The following CHD2 variants were observed in gnomAD, a reference collection of about 807,000 sequenced individuals.
The protein encoded by CHD2 is ATP-dependent chromatin remodeler CHD2.
A neutral mutation model predicts 243.9 loss-of-function variants in CHD2; 28 were observed. The observed-to-expected ratio is 0.11, with a 90% CI of 0.09 to 0.16. The LOEUF (loss-of-function observed/expected upper bound fraction) is 0.16, where lower values mean the gene tolerates loss of function less well. Among genes scored for constraint, CHD2 ranks in the 10% least tolerant of loss-of-function variants. The pLI is 1.00. For missense variants in CHD2, 1,386 were observed against 2,209.8 expected (o/e 0.63, Z 7.47); for synonymous variants, 775 against 779.0 (o/e 0.99, Z 0.09).
At chr15:92,916,931 T>C (rs542810538) in intron 2 of CHD2, among the ~76,000 whole-genome samples, 11 of 152,348 alleles carry the variant, frequency 7.2e-5, no homozygotes, top group African/African-American at 2.6e-4. Flanking sequence ...GCAAAGCAGA[T>C]GAGTGCAAAA....
At chr15:92,983,490 C>T (rs2054004802) in intron 24 of CHD2, among the ~76,000 whole-genome samples, 1 of 152,152 alleles carries the variant, frequency 6.6e-6, no homozygotes, top group South Asian at 2.1e-4. Flanking sequence ...AATGGAGCCT[C>T]CAGAAGCTCA....
At chr15:93,003,286 CAAA>C (rs397853913) in intron 33 of CHD2, among the ~76,000 whole-genome samples, 11,854 of 130,944 alleles carry the variant, frequency 0.091, 512 homozygotes, top group South Asian at 0.12. Context: ...GACCTTGTCT[CAAA>C]AAAAAAAAAA....
chr15:92,968,898 G>A (rs1035054330), intron 17 of CHD2, among the ~76,000 whole-genome samples: 2 of 152,174 alleles, frequency 1.3e-5, no homozygotes, highest in Admixed American at 6.5e-5. Context: ...TGACATAACC[G>A]TAATAGTAGT....
chr15:92,901,136 G>C (rs893521261), intron 1 of CHD2, 31 bp from the exon 2 acceptor site: 4 of 717,096 alleles, frequency 5.6e-6, no homozygotes, highest in Non-Finnish European at 1.0e-5. Context: ...GATAGAAGCC[G>C]GGACCTTACC....
intron 22 of CHD2, 70 bp from the exon 23 acceptor site, chr15:92,980,745 A>G (rs2053969136): frequency 1.9e-6 from 2 of 1,069,448 alleles, no homozygotes; most frequent in African/African-American, 1.6e-5. Flanking sequence ...TTTCTGAAGG[A>G]TAGTTATTCT....
intron 24 of CHD2, among the ~76,000 whole-genome samples, chr15:92,983,064 G>T (rs939028721): frequency 1.3e-5 from 2 of 152,154 alleles, no homozygotes; most frequent in African/African-American, 4.8e-5. Context: ...AGAGAAGCTA[G>T]AGAGCTCTCT....
chr15:93,008,737 C>G (rs2054353907), intron 34 of CHD2, among the ~76,000 whole-genome samples: 1 of 152,146 alleles, frequency 6.6e-6, no homozygotes, highest in South Asian at 2.1e-4. Context: ...CTTTCTCTTG[C>G]TTTCTTTCAA....
At chr15:92,913,738 G>C (rs1271624515) in intron 2 of CHD2, among the ~76,000 whole-genome samples, 1 of 152,160 alleles carries the variant, frequency 6.6e-6, no homozygotes, top group African/African-American at 2.4e-5. Context: ...TATAGTCCCA[G>C]CTATTTGGAA....
intron 32 of CHD2, 135 bp downstream of exon 32, chr15:93,000,775 T>C (rs1567159244): frequency 1.0e-6 from 1 of 976,256 alleles, no homozygotes; most frequent in Non-Finnish European, 1.5e-6. Context: ...AAGTCTTCGC[T>C]TAATCTGTCA....
chr15:92,919,467 A>G (rs2052912111), intron 2 of CHD2, among the ~76,000 whole-genome samples: 1 of 151,738 alleles, frequency 6.6e-6, no homozygotes, highest in African/African-American at 2.4e-5. Flanking sequence ...ATTGCGGCTC[A>G]CTGCAACCTC....
chr15:92,978,064 A>ATTCATTCTACCATCAAGTC (rs1596427638), intron 20 of CHD2, 170 bp from the exon 21 acceptor site: 1 of 726,868 alleles, frequency 1.4e-6, no homozygotes, highest in East Asian at 2.8e-5. Flanking sequence ...TCAAATGAAA[A>ATTCATTCTACCATCAAGTC]TTCATTCTAC....
intron 2 of CHD2, among the ~76,000 whole-genome samples, chr15:92,918,178 T>G (rs560875105): frequency 1.3e-5 from 2 of 152,334 alleles, no homozygotes; most frequent in South Asian, 2.1e-4. Flanking sequence ...TAATGGCACT[T>G]CGTTTCAAAG....
At chr15:92,929,798 A>G (rs2053131765) in intron 5 of CHD2, among the ~76,000 whole-genome samples, 1 of 152,116 alleles carries the variant, frequency 6.6e-6, no homozygotes, top group East Asian at 1.9e-4. Context: ...CTCATGTTAA[A>G]CAGTTGTCCA....
chr15:93,026,227 A>C lies in CHD2; in HGVS notation c.*1522A>C, dbSNP rs1340361128. On this transcript the variant is annotated 3_prime_UTR_variant, in exon 39 of 39. Coordinates refer to ENST00000394196, the MANE Select transcript of CHD2 (RefSeq NM_001271.4). ...GACTTGAACATACAGTGTGCCTGTA[A>C]GTGTCCAGGCTCAGAGCTGGTGAAA... 6.5e-6 allele frequency: 1 copy of C among 152,684 alleles called. No homozygotes were observed. Among genetic ancestry groups the C allele is most frequent in the African/African-American group, 2.4e-5 (1 of 41,444 alleles). 9.5% of individuals were successfully genotyped at this position (152,684 alleles called of 1,614,324 possible).
In CHD2 at chr15:92,997,203, A is replaced by G. The variant is rs200640662; in HGVS notation, c.3735-50A>G. ...ATTTTTACTGTCTCTTCTTTAACAT[A>G]CCAAAAAGGCCCCTCTTCTAATGTC... is the stretch of plus-strand genomic sequence containing the variant. On this transcript the variant is annotated intron_variant, in intron 29 of 38. Transcript: ENST00000394196. The surrounding 1 kb of genome is among the most constrained non-coding windows in gnomAD (Gnocchi z 4.1). 3.1e-6 allele frequency: 5 copies of G among 1,609,972 alleles called. No individual in the cohort carries two copies. The Middle Eastern group carries it at 5.0e-4, about 160-fold the overall frequency.
intron 31 of CHD2, among the ~76,000 whole-genome samples, chr15:92,999,054 G>A (rs192820168): frequency 1.1e-3 from 133 of 123,478 alleles, no homozygotes; most frequent in Middle Eastern, 8.9e-3. Flanking sequence ...ACTGCACTCC[G>A]GCCTGGGCAA....
At chr15:92,968,996 C>G (rs2053804094) in intron 17 of CHD2, among the ~76,000 whole-genome samples, 1 of 152,194 alleles carries the variant, frequency 6.6e-6, no homozygotes, top group South Asian at 2.1e-4. Context: ...AGCCATTTAT[C>G]CAAGAAGTTC....
At position 93,025,768 on chromosome 15, in the gene CHD2, CTT is replaced by C. The variant is rs934345897; in HGVS notation, c.*1065_*1066del. Reference sequence around the variant, plus strand: ...CAGTAGTGCCAGCAAGTGGGGGAAACTTTCAGTATTGCGCTAGGTCAACACTT... The same window carrying C: ...CAGTAGTGCCAGCAAGTGGGGGAAACTCAGTATTGCGCTAGGTCAACACTT... On this transcript the variant is annotated 3_prime_UTR_variant, in exon 39 of 39. Coordinates refer to ENST00000394196, the MANE Select transcript of CHD2 (RefSeq NM_001271.4). 2.0e-5 allele frequency: 3 copies of C among 152,224 alleles called. No homozygotes were observed. The highest frequency in any genetic ancestry group is 4.8e-5 in the African/African-American group (2 of 41,434). The allele number at this position is 152,224 out of a possible 1,614,324, so 9.4% of individuals were successfully genotyped here. A position where few individuals can be genotyped will look rare whatever the true frequency, so the allele number is the denominator to read the frequency against.
intron 26 of CHD2, among the ~76,000 whole-genome samples, chr15:92,989,141 C>T (rs62023147): frequency 6.7e-6 from 1 of 149,908 alleles, no homozygotes; most frequent in Admixed American, 6.7e-5. Flanking sequence ...AAGTGATTCT[C>T]CTGCCTCAGC....
Sources: gnomAD v4.1 joint callset for allele counts (sites outside exome capture counted in the v4.1 genomes callset) on GRCh38, gnomAD v4.1.1 for gene constraint, Gnocchi (gnomAD v3.1) non-coding constraint, MANE v1.5 for transcripts, NCBI Gene and HGNC (gene_info 2026-07-23, HGNC 2026-07-21) for gene names.